CPNE4: variants seen among roughly 807,000 people sequenced by gnomAD.
The protein encoded by CPNE4 is copine 4, also known as copine-4.
In CPNE4, 25 loss-of-function variants were observed where a neutral mutation model predicts 67.9. The observed-to-expected ratio is 0.37, with a 90% CI of 0.27 to 0.51. The LOEUF is 0.51. Ranked by LOEUF, CPNE4 falls within the 20% of genes least tolerant of loss-of-function variation. The pLI, the probability that CPNE4 is intolerant of heterozygous loss-of-function variation, is 0.93. For missense variants in CPNE4, 464 were observed against 690.8 expected, an observed-to-expected ratio of 0.67 and a Z score of 3.68; for synonymous variants, 242 against 244.9, an observed-to-expected ratio of 0.99 and a Z score of 0.11.
At chr3:131,636,709 C>A (rs2079397277) in intron 7 of CPNE4, among the ~76,000 whole-genome samples, 1 of 152,212 alleles carries the variant, frequency 6.6e-6, no homozygotes, top group African/African-American at 2.4e-5. Context: ...GAAAGCGCAA[C>A]CTCCTGGCTG....
chr3:131,977,955 T>C (rs57286736), intron 1 of CPNE4, among the ~76,000 whole-genome samples: 15,604 of 147,556 alleles, frequency 0.11, 2,760 homozygotes, highest in African/African-American at 0.37. Flanking sequence ...TCCTGAGTTA[T>C]TTCACTTAGA....
At position 131,535,259 on chromosome 3, in the gene CPNE4, C is replaced by T; in HGVS notation, c.1610G>A (p.Gly537Asp). ...TGAACATTTTGGTTTAATTCCTTTGCCATTGTAATAGTCCACAACTTGGTT... is the reference window on the plus strand; with the variant it reads ...TGAACATTTTGGTTTAATTCCTTTGTCATTGTAATAGTCCACAACTTGGTT... The part of the protein sequence containing the change: ...VPNQVVDYYN[G>D]KGIKPKCSSE... Residue 537 changes from glycine to aspartate, a missense_variant, in exon 16 of 16, where the codon GGC (glycine) becomes GAC (aspartate). This residue lies in a region of CPNE4 where 201 missense variants were observed against 357.7 expected (regional missense o/e 0.56). Transcript: ENST00000429747. 6.2e-7 allele frequency: 1 copy of T among 1,613,782 alleles called. No individual in the cohort carries two copies. The highest frequency in any genetic ancestry group is 8.5e-7 in the Non-Finnish European group (1 of 1,179,930).
intron 7 of CPNE4, among the ~76,000 whole-genome samples, chr3:131,598,047 C>T (rs1029453296): frequency 1.3e-5 from 2 of 152,104 alleles, no homozygotes; most frequent in Non-Finnish European, 2.9e-5. Context: ...TTAAAGGAGG[C>T]AATTGAACTG....
At chr3:131,653,219 C>G (rs897340771) in intron 7 of CPNE4, among the ~76,000 whole-genome samples, 8 of 146,046 alleles carry the variant, frequency 5.5e-5, no homozygotes, top group African/African-American at 1.8e-4. Flanking sequence ...GATCTCGGCT[C>G]ACTGCAAGCT....
chr3:131,994,690 A>G (rs1421995813), intron 1 of CPNE4, among the ~76,000 whole-genome samples: 1 of 152,200 alleles, frequency 6.6e-6, no homozygotes, highest in Non-Finnish European at 1.5e-5. Flanking sequence ...AAAGCAAGTA[A>G]TTACTTAAAA....
At position 131,792,700 on chromosome 3, in the gene CPNE4, TACAC is replaced by T. The variant is rs763591646; in HGVS notation, c.181-69079_181-69076del. ...ATATACACACGTGTATATATACATA[TACAC>T]ACACGTGTATATATGTATATATATA... On this transcript the variant is annotated intron_variant, in intron 2 of 15. Transcript: ENST00000429747. Among the ~76,000 whole-genome samples, 11 of 83,762 alleles carry T rather than the reference TACAC, an allele frequency of 1.3e-4. 1 individual carries two copies. Among genetic ancestry groups the T allele is most frequent in the African/African-American group, 5.3e-4 (10 of 18,814 alleles). 55.0% of individuals were successfully genotyped at this position (83,762 alleles called of 152,430 possible).
chr3:131,873,907 G>A (rs1255610498), intron 2 of CPNE4, among the ~76,000 whole-genome samples: 3 of 152,086 alleles, frequency 2.0e-5, no homozygotes, highest in Non-Finnish European at 4.4e-5. Flanking sequence ...GTGGGAAGAG[G>A]AGTGGAAAAC....
intron 1 of CPNE4, among the ~76,000 whole-genome samples, chr3:131,948,740 G>C (rs1303436583): frequency 6.6e-6 from 1 of 152,130 alleles, no homozygotes; most frequent in Admixed American, 6.5e-5. Context: ...TTTTGGAAAA[G>C]CATTAAAAAC....
chr3:131,600,053 T>C (rs928919366), intron 7 of CPNE4, among the ~76,000 whole-genome samples: 3 of 152,140 alleles, frequency 2.0e-5, no homozygotes, highest in Non-Finnish European at 4.4e-5. Flanking sequence ...TTGGGTTGTT[T>C]CTTGGGGGCT....
At chr3:131,962,427 C>A (rs1225067) in intron 1 of CPNE4, among the ~76,000 whole-genome samples, 3 of 152,148 alleles carry the variant, frequency 2.0e-5, no homozygotes, top group African/African-American at 4.8e-5. Flanking sequence ...CAATGCACCA[C>A]CACCACAACA....
intron 1 of CPNE4, among the ~76,000 whole-genome samples, chr3:131,905,685 G>A (rs541361771): frequency 6.6e-6 from 1 of 152,102 alleles, no homozygotes; most frequent in Non-Finnish European, 1.5e-5. Flanking sequence ...TGTATGATTT[G>A]CATACATTTG....
chr3:131,974,371 A>G (rs965929454), intron 1 of CPNE4, among the ~76,000 whole-genome samples: 4 of 152,230 alleles, frequency 2.6e-5, no homozygotes, highest in Admixed American at 6.5e-5. Flanking sequence ...GTGAATGCAC[A>G]TGTATATACA....
In CPNE4 at chr3:131,912,260, T is replaced by C. The variant is rs528855593; in HGVS notation, c.-1-6816A>G. ...ATTCTCTAACAGGAAAAACTGATCC[T>C]GAAACTTAATTAGTTTCTGAATGAG... is the stretch of plus-strand genomic sequence containing the variant. On this transcript the variant is annotated intron_variant, in intron 1 of 15. Transcript: ENST00000429747. 2.0e-5 allele frequency among the ~76,000 whole-genome samples: 3 copies of C among 152,290 alleles called. No individual in the cohort carries two copies. In the South Asian group the frequency reaches 6.2e-4, roughly 32 times the overall value.
intron 2 of CPNE4, among the ~76,000 whole-genome samples, chr3:131,824,687 G>C (rs72987767): frequency 0.032 from 4,804 of 152,214 alleles, 180 homozygotes; most frequent in South Asian, 0.094. Flanking sequence ...ATCCTTTCAG[G>C]AGAAAAGTTA....
At chr3:131,945,392 C>A (rs762599722) in intron 1 of CPNE4, among the ~76,000 whole-genome samples, 2 of 152,188 alleles carry the variant, frequency 1.3e-5, no homozygotes, top group Non-Finnish European at 2.9e-5. Context: ...AGCTGCTATA[C>A]CTTCTGATCC....
At chr3:131,857,450 GT>G (rs1269281919) in intron 2 of CPNE4, among the ~76,000 whole-genome samples, 1 of 151,972 alleles carries the variant, frequency 6.6e-6, no homozygotes, top group Non-Finnish European at 1.5e-5. Context: ...GTTGGTAAAT[GT>G]TTGGCTAAAC....
At chr3:131,907,144 ATCCC>A (rs1337370844) in intron 1 of CPNE4, among the ~76,000 whole-genome samples, 2 of 152,150 alleles carry the variant, frequency 1.3e-5, no homozygotes, top group African/African-American at 4.8e-5. Flanking sequence ...AACACTTTGC[ATCCC>A]AGAGCCCCAG....
intron 2 of CPNE4, among the ~76,000 whole-genome samples, chr3:131,848,622 T>C (rs2107637106): frequency 6.7e-6 from 1 of 149,898 alleles, no homozygotes; most frequent in Non-Finnish European, 1.5e-5. Context: ...GGAAACTTCA[T>C]ATCCTGGACA....
At chr3:131,582,361 C>G (rs947354687) in intron 8 of CPNE4, among the ~76,000 whole-genome samples, 1 of 152,116 alleles carries the variant, frequency 6.6e-6, no homozygotes, top group Non-Finnish European at 1.5e-5. Context: ...GAATAGGTCT[C>G]CAGCCTACAG....
Sources: gnomAD v4.1 joint callset for allele counts (sites outside exome capture counted in the v4.1 genomes callset) on GRCh38, gnomAD v4.1.1 for gene constraint, gnomAD v4.1.1 regional missense constraint, MANE v1.5 for transcripts, NCBI Gene and HGNC (gene_info 2026-07-23, HGNC 2026-07-21) for gene names.